The following SGSM1 variants were observed in gnomAD, a reference collection of about 807,000 sequenced individuals.
SGSM1 encodes the protein RUN and TBC1 domain containing 2.
SGSM1 carries 73 observed loss-of-function variants against 133.8 expected under a neutral mutation model. The ratio of observed to expected loss-of-function variants is 0.55; its 90% confidence interval spans 0.45 to 0.66. The LOEUF is 0.66. Among genes scored for constraint, SGSM1 ranks in the 30% least tolerant of loss-of-function variants. The pLI, the probability that SGSM1 is intolerant of heterozygous loss-of-function variation, is 0.00. For synonymous variants in SGSM1, 563 were observed against 573.0 expected, an observed-to-expected ratio of 0.98 and a Z score of 0.25; for missense variants, 1,213 against 1,448.1, an observed-to-expected ratio of 0.84 and a Z score of 2.64.
intron 13 of SGSM1, among the ~76,000 whole-genome samples, chr22:24,877,988 T>G (rs1228811083): frequency 1.3e-5 from 2 of 151,778 alleles, no homozygotes; most frequent in Admixed American, 1.3e-4. Flanking sequence ...TTTTTGTGTT[T>G]TTAGTAGAGA....
At chr22:24,881,388 A>G (rs1331574335) in intron 14 of SGSM1, among the ~76,000 whole-genome samples, 1 of 145,872 alleles carries the variant, frequency 6.9e-6, no homozygotes, top group Non-Finnish European at 1.5e-5. Flanking sequence ...AACATGGTGA[A>G]ACCCCGTCTC....
In SGSM1 at chr22:24,926,483, C is replaced by T. The variant is rs980287423; in HGVS notation, c.*2209C>T. ...CGGAGAAAACTATTTTGCCGTTCAG[C>T]TGTTCTTTACAGAGGATGTTATTTT... is the stretch of plus-strand genomic sequence containing the variant. On this transcript the variant is annotated 3_prime_UTR_variant, in exon 25 of 25. Transcript: ENST00000400358. The T allele has an allele frequency of 5.3e-5, 8 of 152,324 alleles. No individual in the cohort carries two copies. The highest frequency in any genetic ancestry group is 4.6e-4 in the Admixed American group (7 of 15,290). The allele number at this position is 152,324 out of a possible 1,614,324, so 9.4% of individuals were successfully genotyped here. A position where few individuals can be genotyped will look rare whatever the true frequency, so the allele number is the denominator to read the frequency against.
rs768449866 is a variant in SGSM1, at chr22:24,898,255, A to G, written c.2306A>G (p.Asp769Gly). 6.2e-7 allele frequency: 1 copy of G among 1,613,792 alleles called. No homozygotes were observed. The highest frequency in any genetic ancestry group is 1.1e-5 in the South Asian group (1 of 91,080). ...RQSSEATTSQ[D>G]EAPREELAVQ... Reference sequence around the variant, plus strand: ...AGCAGCGAGGCCACCACATCTCAGGATGAGGCTCCCCGGGAGGAGCTGGCC... The same window carrying G: ...AGCAGCGAGGCCACCACATCTCAGGGTGAGGCTCCCCGGGAGGAGCTGGCC... The change falls in exon 19 of 25, where the codon GAT becomes GGT. Residue 769 changes from aspartate (D) to glycine (G), a missense_variant. By Grantham distance (94) the Asp-to-Gly change is moderately conservative (BLOSUM62 -1). Transcript: ENST00000400358.
intron 2 of SGSM1, among the ~76,000 whole-genome samples, chr22:24,831,218 G>C (rs1037147930): frequency 1.3e-5 from 2 of 151,690 alleles, no homozygotes; most frequent in Non-Finnish European, 2.9e-5. Context: ...GGTGCTCTTA[G>C]GATCAACACC....
rs1212010916 is a variant in SGSM1 at position 24,924,571 on chromosome 22, G to A, written c.*297G>A. The A allele has an allele frequency of 2.3e-6, 1 of 434,188 alleles. No homozygotes were observed. Among genetic ancestry groups the A allele is most frequent in the Non-Finnish European group, 4.2e-6 (1 of 236,416 alleles). 26.9% of individuals were successfully genotyped at this position (434,188 alleles called of 1,614,324 possible). A position where few individuals can be genotyped will look rare whatever the true frequency, so the allele number is the denominator to read the frequency against. Reference sequence around the variant, plus strand: ...GGAGGAGGAGCCATCTTTGTTTGCTGGTGCCCGGAATGGTCTCCTCTTCTT... The same window carrying A: ...GGAGGAGGAGCCATCTTTGTTTGCTAGTGCCCGGAATGGTCTCCTCTTCTT... On this transcript the variant is annotated 3_prime_UTR_variant, in exon 25 of 25. Transcript: ENST00000400358.
At chr22:24,845,417 A>G (rs1930039305) in intron 3 of SGSM1, among the ~76,000 whole-genome samples, 1 of 152,082 alleles carries the variant, frequency 6.6e-6, no homozygotes, top group African/African-American at 2.4e-5. Flanking sequence ...TCAGAGCGTG[A>G]CTCAGACATG....
intron 4 of SGSM1, among the ~76,000 whole-genome samples, chr22:24,849,749 C>T (rs886405085): frequency 2.0e-5 from 3 of 152,152 alleles, no homozygotes; most frequent in African/African-American, 4.8e-5. Context: ...AGGGATCAGC[C>T]TGGGAATGGG....
intron 2 of SGSM1, among the ~76,000 whole-genome samples, chr22:24,824,459 G>T (rs1177249956): frequency 6.6e-6 from 1 of 151,906 alleles, no homozygotes; most frequent in East Asian, 1.9e-4. Context: ...GCTTTGGAGC[G>T]TGCCAAAATA....
At chr22:24,846,012 CATTT>C (rs1022070511) in intron 3 of SGSM1, among the ~76,000 whole-genome samples, 13 of 60,344 alleles carry the variant, frequency 2.2e-4, no homozygotes, top group Non-Finnish European at 3.7e-4. Context: ...TTTCTTTCTT[CATTT>C]CTTTCTCTCT....
At chr22:24,877,798 CTTTCTTTTTTT>C (rs1932098773) in intron 13 of SGSM1, among the ~76,000 whole-genome samples, 2 of 85,746 alleles carry the variant, frequency 2.3e-5, no homozygotes, top group Admixed American at 1.3e-4. Context: ...GAGATTCTTT[CTTTCTTTTTTT>C]TTTTTTTTTT....
chr22:24,912,627 T>G lies in SGSM1; in HGVS notation c.2819-16T>G, dbSNP rs1933669738. 6.3e-7 allele frequency: 1 copy of G among 1,579,656 alleles called. No individual in the cohort carries two copies. Among genetic ancestry groups the G allele is most frequent in the African/African-American group, 1.3e-5 (1 of 74,302 alleles). ...TGGGCAGCGGGGCATCTGACTGTTC[T>G]GTGATGCTTTCTCAGAGGCCCTTGC... On this transcript the variant is annotated splice_polypyrimidine_tract_variant and intron_variant, in intron 21 of 24. Coordinates refer to ENST00000400358, the MANE Select transcript of SGSM1 (RefSeq NM_001098497.3).
intron 13 of SGSM1, among the ~76,000 whole-genome samples, chr22:24,878,305 C>G (rs1357863215): frequency 6.6e-6 from 1 of 152,174 alleles, no homozygotes; most frequent in Non-Finnish European, 1.5e-5. Context: ...ACCCATTGCC[C>G]CCTCTCCTGT....
At position 24,916,745 on chromosome 22, in the gene SGSM1, G is replaced by T. The variant is rs745468253; in HGVS notation, c.2929-913G>T. Reference sequence around the variant, plus strand: ...TTACGAGATAATATTAAATTAGATTGTATGGATAGGCCACTTTTTATTTAT... The same window carrying T: ...TTACGAGATAATATTAAATTAGATTTTATGGATAGGCCACTTTTTATTTAT... On this transcript the variant is annotated intron_variant, in intron 22 of 24. Coordinates refer to ENST00000400358, the MANE Select transcript of SGSM1 (RefSeq NM_001098497.3). 3.9e-5 allele frequency among the ~76,000 whole-genome samples: 6 copies of T among 152,188 alleles called. No individual in the cohort carries two copies. The East Asian group carries it at 1.2e-3, about 29-fold the overall frequency.
chr22:24,844,996 G>A, intron 3 of SGSM1, 24 bp downstream of exon 3: 2 of 1,611,404 alleles, frequency 1.2e-6, no homozygotes, highest in Middle Eastern at 1.7e-4. Flanking sequence ...CTGGGAAAGT[G>A]GCTTCTTTCT....
At position 24,898,458 on chromosome 22, in the gene SGSM1, G is replaced by A. The variant is rs1322252446; in HGVS notation, c.2509G>A (p.Glu837Lys). The A allele has an allele frequency of 1.2e-6, 2 of 1,613,802 alleles. No homozygotes were observed. Among genetic ancestry groups the A allele is most frequent in the East Asian group, 2.2e-5 (1 of 44,882 alleles). ...QADSEDNLSE[E>K]PEMESLFPAL... ...GGACAGTGAGGACAACCTCTCGGAG[G>A]AGCCTGAGATGGAAAGTCTCTTCCC... Residue 837 changes from glutamate (E) to lysine (K), a missense_variant, in exon 19 of 25, where the codon GAG becomes AAG. By Grantham distance (56) the Glu-to-Lys change is moderately conservative. Transcript: ENST00000400358.
intron 16 of SGSM1, among the ~76,000 whole-genome samples, chr22:24,889,788 T>C (rs1479038245): frequency 6.6e-6 from 1 of 150,518 alleles, no homozygotes; most frequent in Non-Finnish European, 1.5e-5. Context: ...TAGCTGGGAC[T>C]ACAGGCGCCC....
chr22:24,836,959 T>C (rs1787712371), intron 2 of SGSM1, among the ~76,000 whole-genome samples: 1 of 152,250 alleles, frequency 6.6e-6, no homozygotes, highest in Non-Finnish European at 1.5e-5. Context: ...TTGTTGCTCA[T>C]GCATTTGGTG....
chr22:24,898,115 GGGCCTCTCA>G lies in SGSM1; in HGVS notation c.2168_2176del (p.Gly723_Ser725del). 1 of 1,613,916 alleles carries G rather than the reference GGGCCTCTCA, an allele frequency of 6.2e-7. No homozygotes were observed. The highest frequency in any genetic ancestry group is 8.5e-7 in the Non-Finnish European group (1 of 1,179,878). ...ATCCTTCCTCCCATAACTTCTCCTC[GGGCCTCTCA>G]GAGCACTCAGAGCCCAGTCTGAGCA... On this transcript the variant is annotated inframe_deletion, in exon 19 of 25. Transcript: ENST00000400358.
intron 14 of SGSM1, among the ~76,000 whole-genome samples, chr22:24,881,181 A>ATT: frequency 7.4e-6 from 1 of 134,682 alleles, no homozygotes; most frequent in African/African-American, 2.9e-5. Context: ...TGACAAAGCA[A>ATT]GACTCCGTCT....
Sources: allele counts gnomAD v4.1 joint callset (sites outside exome capture counted in the v4.1 genomes callset), GRCh38; gene constraint gnomAD v4.1.1; transcripts MANE v1.5; gene names NCBI Gene and HGNC (gene_info 2026-07-23, HGNC 2026-07-21).